PDHX: variants seen among roughly 807,000 people sequenced by gnomAD.
PDHX encodes pyruvate dehydrogenase complex component X, also known as pyruvate dehydrogenase protein X component, mitochondrial.
PDHX carries 33 observed loss-of-function variants against 55.3 expected under a neutral mutation model. The ratio of observed to expected loss-of-function variants is 0.60; its 90% CI spans 0.45 to 0.80. The LOEUF (loss-of-function observed/expected upper bound fraction) is 0.80. Among genes scored for constraint, PDHX ranks in the 30% least tolerant of loss-of-function variants. The pLI is 0.00. For missense variants in PDHX, 622 were observed against 619.9 expected (o/e 1.00, Z -0.04); for synonymous variants, 226 against 219.4 (o/e 1.03, Z -0.27).
chr11:34,969,099 G>T (rs1454374867), intron 6 of PDHX, among the ~76,000 whole-genome samples: 1 of 152,170 alleles, frequency 6.6e-6, no homozygotes, highest in East Asian at 1.9e-4. Flanking sequence ...GCAGTGTACT[G>T]TGTAGCCAGG....
At chr11:34,938,064 A>G (rs995456230) in intron 2 of PDHX, among the ~76,000 whole-genome samples, 1 of 152,226 alleles carries the variant, frequency 6.6e-6, no homozygotes, top group Admixed American at 6.5e-5. Flanking sequence ...AATGAAAAAT[A>G]TAGTCTCTCA....
chr11:34,916,847 T>G, intron 1 of PDHX, 32 bp downstream of exon 1: 1 of 1,529,624 alleles, frequency 6.5e-7, no homozygotes, highest in South Asian at 1.2e-5. Context: ...AGCTTCTCTG[T>G]GTAGCTGAGT....
chr11:34,930,671 A>G, intron 1 of PDHX, among the ~76,000 whole-genome samples: 1 of 152,256 alleles, frequency 6.6e-6, no homozygotes, highest in Non-Finnish European at 1.5e-5. Context: ...TGGGAAGTGC[A>G]GCCGGACAAA....
At chr11:34,937,581 ATAGGAG>A (rs2133952753) in intron 2 of PDHX, among the ~76,000 whole-genome samples, 1 of 152,264 alleles carries the variant, frequency 6.6e-6, no homozygotes, top group South Asian at 2.1e-4. Flanking sequence ...ATAACTGATT[ATAGGAG>A]TTGAAGTTCA....
At chr11:34,934,932 TA>T (rs60682931) in intron 2 of PDHX, among the ~76,000 whole-genome samples, 64,830 of 150,198 alleles carry the variant, frequency 0.43, 14,693 homozygotes, top group African/African-American at 0.51. Flanking sequence ...TTTTGATTAT[TA>T]AAAAAAAAAA....
At chr11:34,969,155 T>A (rs978394443) in intron 6 of PDHX, among the ~76,000 whole-genome samples, 2 of 152,148 alleles carry the variant, frequency 1.3e-5, no homozygotes, top group Non-Finnish European at 2.9e-5. Flanking sequence ...TGAGCACATT[T>A]ATGGTAGGCT....
At chr11:34,988,055 A>G (rs184892507) in intron 9 of PDHX, among the ~76,000 whole-genome samples, 2 of 152,354 alleles carry the variant, frequency 1.3e-5, no homozygotes, top group Admixed American at 6.5e-5. Context: ...TTATTTAAAA[A>G]GTAGAATGTT....
At chr11:34,924,168 A>G (rs1292372074) in intron 1 of PDHX, among the ~76,000 whole-genome samples, 3 of 152,208 alleles carry the variant, frequency 2.0e-5, no homozygotes, top group Admixed American at 6.5e-5. Flanking sequence ...AATTGTTTCT[A>G]TGCTGCCCAT....
chr11:34,959,491 C>G (rs1565160814), intron 4 of PDHX, among the ~76,000 whole-genome samples: 1 of 151,670 alleles, frequency 6.6e-6, no homozygotes, highest in Non-Finnish European at 1.5e-5. Flanking sequence ...TTGTTGTTGC[C>G]TAGTGGAAGT....
At chr11:34,982,055 T>G (rs1406450651) in intron 8 of PDHX, among the ~76,000 whole-genome samples, 2 of 152,226 alleles carry the variant, frequency 1.3e-5, no homozygotes, top group Non-Finnish European at 2.9e-5. Context: ...CTTTTGGTGT[T>G]TTAGACATGA....
intron 1 of PDHX, among the ~76,000 whole-genome samples, chr11:34,925,597 G>A (rs1231524369): frequency 6.6e-6 from 1 of 152,176 alleles, no homozygotes; most frequent in African/African-American, 2.4e-5. Flanking sequence ...GTATGAAAAT[G>A]TAGGTTATCA....
intron 4 of PDHX, among the ~76,000 whole-genome samples, chr11:34,958,890 T>A (rs1020115803): frequency 9.2e-5 from 14 of 151,546 alleles, no homozygotes; most frequent in African/African-American, 2.7e-4. Flanking sequence ...GAAAAAAAAA[T>A]TTTTTTTTGG....
intron 7 of PDHX, among the ~76,000 whole-genome samples, chr11:34,975,473 A>G (rs1198644809): frequency 6.6e-6 from 1 of 152,050 alleles, no homozygotes; most frequent in Non-Finnish European, 1.5e-5. Context: ...TTGTTTACCT[A>G]GCTTCAAGTT....
chr11:34,946,807 C>T (rs1854631207), intron 2 of PDHX, among the ~76,000 whole-genome samples: 2 of 152,176 alleles, frequency 1.3e-5, no homozygotes. Context: ...TTTGAGTCCC[C>T]TATATCCAAC....
intron 2 of PDHX, among the ~76,000 whole-genome samples, chr11:34,934,214 A>G (rs188481030): frequency 7.9e-5 from 12 of 152,340 alleles, no homozygotes; most frequent in Admixed American, 7.2e-4. Context: ...AAGAGAGATA[A>G]CCAGATATTA....
At chr11:34,951,182 G>A (rs181592469) in intron 3 of PDHX, among the ~76,000 whole-genome samples, 15,142 of 148,732 alleles carry the variant, frequency 0.1, 1,596 homozygotes, top group African/African-American at 0.27. Context: ...TCAGCCTCCC[G>A]AGTAGCTGGG....
intron 3 of PDHX, among the ~76,000 whole-genome samples, chr11:34,952,541 C>T: frequency 6.6e-6 from 1 of 150,514 alleles, no homozygotes; most frequent in East Asian, 2.0e-4. Context: ...TCAAGATACG[C>T]AAATCAATAA....
intron 4 of PDHX, 82 bp downstream of exon 4, chr11:34,957,665 C>T (rs944433954): frequency 3.3e-5 from 36 of 1,101,266 alleles, no homozygotes; most frequent in African/African-American, 1.4e-4. Flanking sequence ...TTATCATATT[C>T]GCACATCGTT....
intron 2 of PDHX, among the ~76,000 whole-genome samples, chr11:34,934,571 A>ATTTTTTTTTTTTTTTTTTTTT: frequency 1.1e-5 from 1 of 92,414 alleles, no homozygotes; most frequent in Non-Finnish European, 2.0e-5. Context: ...GATATTATGG[A>ATTTTTTTTTTTTTTTTTTTTT]TTTTTTTTTT....
Sources: gnomAD v4.1 joint callset for allele counts (sites outside exome capture counted in the v4.1 genomes callset) on GRCh38, gnomAD v4.1.1 for gene constraint, MANE v1.5 for transcripts, NCBI Gene and HGNC (gene_info 2026-07-23, HGNC 2026-07-21) for gene names.